Variants in IL20RB observed in about 807,000 individuals in gnomAD.
IL20RB encodes the protein interleukin 20 receptor subunit beta.
Under a neutral mutation model 33.3 loss-of-function variants are expected in IL20RB, and 21 were observed. The ratio of observed to expected loss-of-function variants is 0.63; its 90% CI spans 0.45 to 0.91. The LOEUF is 0.91. Ranked by LOEUF, IL20RB falls within the 40% of genes least tolerant of loss-of-function variation. The pLI is 0.00. For synonymous variants in IL20RB, 147 were observed against 146.8 expected, an observed-to-expected ratio of 1.00 and a Z score of -0.01; for missense variants, 345 against 384.8, an observed-to-expected ratio of 0.90 and a Z score of 0.86.
intron 3 of IL20RB, among the ~76,000 whole-genome samples, chr3:136,988,822 T>C (rs1171885282): frequency 6.6e-6 from 1 of 152,104 alleles, no homozygotes; most frequent in South Asian, 2.1e-4. Context: ...TGGCCAACCC[T>C]ATTCACAGGC....
chr3:136,993,381 A>G (rs1942068378), intron 5 of IL20RB, among the ~76,000 whole-genome samples: 2 of 152,200 alleles, frequency 1.3e-5, no homozygotes, highest in Non-Finnish European at 2.9e-5. Flanking sequence ...ACTCAGTAGT[A>G]TATTGTGAAC....
chr3:136,984,871 C>A (rs907838976), intron 3 of IL20RB, among the ~76,000 whole-genome samples: 21 of 152,134 alleles, frequency 1.4e-4, no homozygotes, highest in African/African-American at 5.1e-4. Context: ...GATTAAGGGG[C>A]CCTGTAGGGC....
intron 2 of IL20RB, 98 bp downstream of exon 2, chr3:136,980,690 A>C (rs761707350): frequency 1.3e-5 from 16 of 1,247,844 alleles, no homozygotes; most frequent in Middle Eastern, 5.3e-4. Flanking sequence ...TTTTGAGTCC[A>C]GGGATAGATT....
chr3:136,986,240 TAAATAAATAAATAAATAAAA>T (rs1427840422), intron 3 of IL20RB, among the ~76,000 whole-genome samples: 17 of 137,298 alleles, frequency 1.2e-4, no homozygotes, highest in East Asian at 2.3e-4. Context: ...AATAAATAAA[TAAATAAATAAATAAATAAAA>T]ATAAAACAGG....
intron 5 of IL20RB, among the ~76,000 whole-genome samples, chr3:136,993,952 G>A (rs1942079783): frequency 6.6e-6 from 1 of 151,700 alleles, no homozygotes; most frequent in African/African-American, 2.4e-5. Context: ...GGCAGAGGTT[G>A]CAGTGAGCCG....
At chr3:136,980,138 T>C (rs1026895735) in intron 1 of IL20RB, among the ~76,000 whole-genome samples, 2 of 152,182 alleles carry the variant, frequency 1.3e-5, no homozygotes, top group African/African-American at 2.4e-5. Flanking sequence ...AGATAGAACA[T>C]GGTAAGTATT....
intron 1 of IL20RB, among the ~76,000 whole-genome samples, chr3:136,962,123 A>C (rs1941237194): frequency 6.6e-6 from 1 of 152,220 alleles, no homozygotes; most frequent in African/African-American, 2.4e-5. Flanking sequence ...CACTACTAGA[A>C]CATCACAGCA....
At chr3:136,983,315 T>A (rs935206046) in intron 3 of IL20RB, among the ~76,000 whole-genome samples, 1 of 152,198 alleles carries the variant, frequency 6.6e-6, no homozygotes, top group African/African-American at 2.4e-5. Flanking sequence ...CTGGAACTCC[T>A]GACCTCAAGT....
intron 1 of IL20RB, among the ~76,000 whole-genome samples, chr3:136,978,694 A>T (rs1331002319): frequency 6.6e-6 from 1 of 152,056 alleles, no homozygotes; most frequent in Admixed American, 6.6e-5. Flanking sequence ...TTTGTTGAAG[A>T]TTTTTGTCTA....
chr3:136,987,910 C>T (rs888666337), intron 3 of IL20RB, among the ~76,000 whole-genome samples: 2 of 152,320 alleles, frequency 1.3e-5, no homozygotes, highest in African/African-American at 2.4e-5. Flanking sequence ...CACGCCCACC[C>T]GGAACTCCAG....
chr3:136,987,978 C>T (rs1298420348), intron 3 of IL20RB, among the ~76,000 whole-genome samples: 2 of 152,238 alleles, frequency 1.3e-5, no homozygotes, highest in African/African-American at 4.8e-5. Flanking sequence ...CCCTCCACAC[C>T]TCCCTGCAAG....
chr3:136,994,811 T>G (rs1942095800), intron 5 of IL20RB, among the ~76,000 whole-genome samples: 2 of 152,280 alleles, frequency 1.3e-5, no homozygotes, highest in African/African-American at 4.8e-5. Flanking sequence ...ATTCCTCTTC[T>G]ATAAAAGCAG....
At chr3:137,005,785 G>A (rs1025882983) in intron 6 of IL20RB, among the ~76,000 whole-genome samples, 1 of 152,166 alleles carries the variant, frequency 6.6e-6, no homozygotes, top group African/African-American at 2.4e-5. Flanking sequence ...ATATTGTTAT[G>A]TGTGAATTTG....
intron 1 of IL20RB, among the ~76,000 whole-genome samples, chr3:136,974,928 A>G (rs544948201): frequency 1.3e-5 from 2 of 152,272 alleles, no homozygotes; most frequent in East Asian, 1.9e-4. Flanking sequence ...ATTTCTTTCA[A>G]TGAGTGTTCA....
chr3:137,005,171 T>A (rs966362567), intron 6 of IL20RB, among the ~76,000 whole-genome samples: 4 of 152,150 alleles, frequency 2.6e-5, no homozygotes, highest in Non-Finnish European at 5.9e-5. Flanking sequence ...TGCTGAGGAG[T>A]GCTTTACTTC....
intron 6 of IL20RB, 117 bp downstream of exon 6, chr3:136,995,673 C>G: frequency 1.1e-6 from 1 of 912,316 alleles, no homozygotes; most frequent in Non-Finnish European, 1.7e-6. Flanking sequence ...GGCATCTGCA[C>G]AGAGAGGGGA....
chr3:137,002,109 CT>C (rs1188755721), intron 6 of IL20RB, among the ~76,000 whole-genome samples: 2 of 152,056 alleles, frequency 1.3e-5, no homozygotes, highest in African/African-American at 4.8e-5. Flanking sequence ...TGAACTTGTC[CT>C]TTTTTATGGC....
At chr3:137,009,069 C>G (rs1577037552) in intron 6 of IL20RB, among the ~76,000 whole-genome samples, 1 of 152,182 alleles carries the variant, frequency 6.6e-6, no homozygotes, top group African/African-American at 2.4e-5. Flanking sequence ...TGTGTTGCCT[C>G]TTCCTGTTGG....
intron 1 of IL20RB, among the ~76,000 whole-genome samples, chr3:136,967,272 A>G (rs1444303442): frequency 1.3e-5 from 2 of 150,036 alleles, no homozygotes; most frequent in Non-Finnish European, 3.0e-5. Context: ...TGTCTCGTTG[A>G]TCTGTCTAAT....
Sources: allele counts gnomAD v4.1 joint callset (sites outside exome capture counted in the v4.1 genomes callset), GRCh38; gene constraint gnomAD v4.1.1; transcripts MANE v1.5; gene names NCBI Gene and HGNC (gene_info 2026-07-23, HGNC 2026-07-21).